The following NAV1 variants were observed in gnomAD, a reference collection of about 807,000 sequenced individuals.
NAV1 encodes pore membrane and/or filament interacting like protein 3.
Under a neutral mutation model 175.2 loss-of-function variants are expected in NAV1, and 18 were observed. The ratio of observed to expected loss-of-function variants is 0.10; its 90% CI spans 0.07 to 0.15. The LOEUF is 0.15. Among genes scored for constraint, NAV1 ranks in the 10% least tolerant of loss-of-function variants. The probability of loss-of-function intolerance (pLI) is 1.00; values close to 1 mark genes in which losing one functional copy is unlikely to be tolerated. For missense variants in NAV1, 1,731 were observed against 2,436.6 expected (o/e 0.71, Z 6.10); for synonymous variants, 897 against 978.7 (o/e 0.92, Z 1.56).
intron 1 of NAV1, among the ~76,000 whole-genome samples, chr1:201,682,049 G>C (rs530063382): frequency 6.6e-5 from 10 of 150,882 alleles, no homozygotes; most frequent in Non-Finnish European, 5.9e-5. Context: ...CCGGAAGGTG[G>C]AGGTTGCAGT....
In NAV1 at chr1:201,731,300, G is replaced by C. The variant is rs557922906; in HGVS notation, c.1226+12545G>C. 2.0e-5 allele frequency among the ~76,000 whole-genome samples: 3 copies of C among 152,202 alleles called. No homozygotes were observed. In the South Asian group the frequency reaches 6.2e-4, roughly 32 times the overall value. ...AGAGGTGGCTGGATACAAAGAGGCT[G>C]TGTGTGCACAAGATCGACTGTTTGA... On this transcript the variant is annotated intron_variant, in intron 3 of 29. Transcript: ENST00000367296.
At chr1:201,616,184 C>T (rs1041838216) in intron 2 of NAV1, among the ~76,000 whole-genome samples, 31 of 152,178 alleles carry the variant, frequency 2.0e-4, no homozygotes, top group Admixed American at 2.6e-4. Context: ...AGAGGTTCCG[C>T]AATTTGCCTT....
chr1:201,541,158 G>C (rs1665503095), intron 1 of NAV1, among the ~76,000 whole-genome samples: 1 of 152,162 alleles, frequency 6.6e-6, no homozygotes, highest in East Asian at 1.9e-4. Context: ...TTGGGTGTTT[G>C]TGCACATGCC....
chr1:201,554,169 A>T (rs1665946510), intron 1 of NAV1, among the ~76,000 whole-genome samples: 1 of 152,162 alleles, frequency 6.6e-6, no homozygotes, highest in South Asian at 2.1e-4. Context: ...CATAAGACAG[A>T]ATGTTATTCT....
rs1571475399 is a variant in NAV1 at position 201,771,132 on chromosome 1, C to T, written c.1227-9289C>T. Among the ~76,000 whole-genome samples, 2 of 151,804 alleles carry T rather than the reference C, an allele frequency of 1.3e-5. 1 individual carries two copies. Among genetic ancestry groups the T allele is most frequent in the Admixed American group, 1.3e-4 (2 of 15,160 alleles). ...TCTTAAGTGCTACTGAAAGGACAGTCCTGATCCTGCCCTCAAAACATCTGG... is the reference window on the plus strand; with the variant it reads ...TCTTAAGTGCTACTGAAAGGACAGTTCTGATCCTGCCCTCAAAACATCTGG... On this transcript the variant is annotated intron_variant, in intron 3 of 29. Coordinates refer to ENST00000367296, the Ensembl canonical transcript of NAV1.
At chr1:201,641,980 T>C (rs77588602) in intron 2 of NAV1, among the ~76,000 whole-genome samples, 3 of 150,570 alleles carry the variant, frequency 2.0e-5, no homozygotes, top group South Asian at 2.1e-4. Context: ...CTCTCTCTCT[T>C]TTTCTCTTTC....
At chr1:201,648,160 T>C (rs953940081), upstream of NAV1, 8 of 828,734 alleles carry the variant, frequency 9.7e-6, no homozygotes, top group African/African-American at 1.5e-4. Flanking sequence ...CTTCCCTCCT[T>C]CCTCTGCTCG....
intron 1 of NAV1, among the ~76,000 whole-genome samples, chr1:201,560,055 G>A (rs983757579): frequency 3.3e-5 from 5 of 152,198 alleles, no homozygotes; most frequent in African/African-American, 9.7e-5. Flanking sequence ...GAAGTTCAGA[G>A]GATGGGAAGA....
At chr1:201,819,008 G>A (rs1338845682) in intron 29 of NAV1, among the ~76,000 whole-genome samples, 2 of 152,282 alleles carry the variant, frequency 1.3e-5, no homozygotes, top group Middle Eastern at 3.4e-3. Flanking sequence ...CAATCTTGAC[G>A]TGTCCAGAGA....
intron 1 of NAV1, among the ~76,000 whole-genome samples, chr1:201,553,658 G>A (rs529042489): frequency 6.6e-6 from 1 of 152,260 alleles, no homozygotes; most frequent in South Asian, 2.1e-4. Flanking sequence ...TTTCCCTCCT[G>A]TCCCTTTTGT....
At chr1:201,809,172 C>A in exon 21 of NAV1, 10 of 1,613,956 alleles carry the variant, frequency 6.2e-6, no homozygotes, top group Non-Finnish European at 8.5e-6. Flanking sequence ...AGACCTGTCA[C>A]CCATGGATGG....
chr1:201,624,094 CCTGT>C (rs1224003811), intron 1 of NAV1, among the ~76,000 whole-genome samples: 2 of 152,340 alleles, frequency 1.3e-5, no homozygotes, highest in South Asian at 2.1e-4. Flanking sequence ...ATACCTTGTA[CCTGT>C]CTGTCTGTCT....
At chr1:201,811,825 CTA>C in intron 25 of NAV1, 68 bp downstream of exon 29, 7 of 1,609,400 alleles carry the variant, frequency 4.3e-6, no homozygotes, top group Non-Finnish European at 6.0e-6. Flanking sequence ...CCAGGACAAC[CTA>C]TGAGTTGTGT....
At chr1:201,650,693 C>G (rs1669167507) in intron 1 of NAV1, among the ~76,000 whole-genome samples, 1 of 152,208 alleles carries the variant, frequency 6.6e-6, no homozygotes, top group Non-Finnish European at 1.5e-5. Context: ...ACCCTCGACT[C>G]CTGTGTGGGC....
chr1:201,547,786 T>C (rs1173205330), intron 1 of NAV1, among the ~76,000 whole-genome samples: 1 of 152,160 alleles, frequency 6.6e-6, no homozygotes, highest in Non-Finnish European at 1.5e-5. Context: ...CTTCACTAGG[T>C]CTTTTTTTAA....
chr1:201,773,811 A>G (rs1371987442), intron 3 of NAV1, among the ~76,000 whole-genome samples: 1 of 152,318 alleles, frequency 6.6e-6, no homozygotes, highest in Non-Finnish European at 1.5e-5. Flanking sequence ...TACCTCTATA[A>G]TCTGTTATAG....
chr1:201,823,201 G>C (rs1679486845), exon 30 of NAV1: 1 of 152,616 alleles, frequency 6.6e-6, no homozygotes, highest in East Asian at 1.9e-4. Context: ...TCAACCAATG[G>C]GGAGAGCCAC....
chr1:201,665,589 C>T (rs1374661814), intron 1 of NAV1, among the ~76,000 whole-genome samples: 1 of 78,716 alleles, frequency 1.3e-5, no homozygotes, highest in Non-Finnish European at 2.6e-5. Flanking sequence ...AAGAGCACCC[C>T]ACCCCCCCCA....
At chr1:201,565,358 T>C (rs1000797596) in intron 1 of NAV1, among the ~76,000 whole-genome samples, 1 of 152,258 alleles carries the variant, frequency 6.6e-6, no homozygotes, top group Non-Finnish European at 1.5e-5. Context: ...TCTGGGCTCA[T>C]TGTCAGTCTC....
Sources: gnomAD v4.1 joint callset for allele counts (sites outside exome capture counted in the v4.1 genomes callset) on GRCh38, gnomAD v4.1.1 for gene constraint, MANE v1.5 for transcripts, NCBI Gene and HGNC (gene_info 2026-07-23, HGNC 2026-07-21) for gene names.